The following PALLD variants were observed in gnomAD, a reference collection of about 807,000 sequenced individuals.
PALLD encodes the protein palladin, cytoskeletal associated protein.
In PALLD, 61 loss-of-function variants were observed where a neutral mutation model predicts 123.5. The ratio of observed to expected loss-of-function variants is 0.49; its 90% confidence interval spans 0.40 to 0.61. PALLD has a LOEUF of 0.61. Ranked by LOEUF, PALLD falls within the 20% of genes least tolerant of loss-of-function variation. PALLD has a pLI of 0.00. For synonymous variants in PALLD, 465 were observed against 496.4 expected, an observed-to-expected ratio of 0.94 and a Z score of 0.84; for missense variants, 1,273 against 1,377.0, an observed-to-expected ratio of 0.92 and a Z score of 1.20.
intron 2 of PALLD, among the ~76,000 whole-genome samples, chr4:168,593,363 C>A (rs1771634828): frequency 6.7e-6 from 1 of 149,078 alleles, no homozygotes; most frequent in Admixed American, 6.7e-5. Context: ...TCAGCTCTAC[C>A]TTTTCTGCTC....
At chr4:168,847,882 A>G (rs544593601) in intron 10 of PALLD, among the ~76,000 whole-genome samples, 15 of 152,220 alleles carry the variant, frequency 9.9e-5, no homozygotes, top group Admixed American at 3.3e-4. Context: ...AAAAAAGAAA[A>G]AAAAAGGAAG....
At chr4:168,712,011 A>G (rs1784880223) in intron 10 of PALLD, 88 bp downstream of exon 10, 8 of 1,130,690 alleles carry the variant, frequency 7.1e-6, no homozygotes, top group South Asian at 3.9e-5. Flanking sequence ...CCTGTATTCA[A>G]CTATGTGGCA....
chr4:168,595,965 A>G (rs1186442455), intron 2 of PALLD, among the ~76,000 whole-genome samples: 1 of 151,752 alleles, frequency 6.6e-6, no homozygotes. Context: ...AAAAAACAGA[A>G]TACCCAACTT....
chr4:168,596,013 T>G (rs1266633908), intron 2 of PALLD, among the ~76,000 whole-genome samples: 1 of 152,114 alleles, frequency 6.6e-6, no homozygotes, highest in East Asian at 1.9e-4. Context: ...ATGCTTGTGT[T>G]GTTATAAATG....
chr4:168,514,969 T>C lies in PALLD; in HGVS notation c.908+2557T>C, dbSNP rs757164788. Among the ~76,000 whole-genome samples the C allele has an allele frequency of 5.9e-5, 9 of 152,368 alleles. No individual in the cohort carries two copies. The South Asian group carries it at 8.3e-4, about 14-fold the overall frequency. On this transcript the variant is annotated intron_variant, in intron 2 of 21. Transcript: ENST00000505667. ...AGTTAGTATCTGCAGTATTATTAAC[T>C]AGTTTTCTCTTATTCTGCAGTCTAT...
intron 10 of PALLD, among the ~76,000 whole-genome samples, chr4:168,825,498 C>A (rs575476074): frequency 2.0e-5 from 3 of 152,116 alleles, no homozygotes; most frequent in Non-Finnish European, 4.4e-5. Context: ...GCAGAAGATT[C>A]GTGTATTGAT....
intron 10 of PALLD, among the ~76,000 whole-genome samples, chr4:168,733,709 G>T (rs1339569854): frequency 3.3e-5 from 5 of 152,060 alleles, no homozygotes; most frequent in African/African-American, 1.2e-4. Context: ...TGGGATTACA[G>T]AAATGTTTTT....
At chr4:168,564,534 T>C (rs771825078) in intron 2 of PALLD, among the ~76,000 whole-genome samples, 2 of 152,226 alleles carry the variant, frequency 1.3e-5, no homozygotes, top group Non-Finnish European at 1.5e-5. Flanking sequence ...AAATTGTGGA[T>C]AGACTAAACA....
chr4:168,603,850 A>G (rs1772913392), intron 2 of PALLD, among the ~76,000 whole-genome samples: 1 of 152,234 alleles, frequency 6.6e-6, no homozygotes, highest in African/African-American at 2.4e-5. Context: ...AAAATTAAAC[A>G]GTTCTTTTTA....
rs549126412 is a variant in PALLD, at chr4:168,674,363, G to T, written c.1087+5995G>T. The stretch of plus-strand genomic sequence containing the variant: ...GATATAGATGGTAACTAAAGCTGTG[G>T]GACTGGATACACCTCCAGACAGATC... On this transcript the variant is annotated intron_variant, in intron 3 of 21. Transcript: ENST00000505667. 3.3e-5 allele frequency among the ~76,000 whole-genome samples: 5 copies of T among 152,268 alleles called. No homozygotes were observed. The South Asian group carries it at 1.0e-3, about 32-fold the overall frequency.
chr4:168,844,236 GCCTAGAAATAAAGA>G lies in PALLD; in HGVS notation c.1965-46683_1965-46670del, dbSNP rs1466848227. ...AAGATTAAAAACCATGATTGAGTGT[GCCTAGAAATAAAGA>G]CCACCCTTGACTGGGCTTTTTCTAC... On this transcript the variant is annotated intron_variant, in intron 10 of 21. Coordinates refer to ENST00000505667, the MANE Select transcript of PALLD (RefSeq NM_001166108.2). The surrounding 1 kb of genome is among the most constrained non-coding windows in gnomAD (Gnocchi z 4.5). 6.6e-6 allele frequency: 1 copy of G among 152,208 alleles called. No individual in the cohort carries two copies. Among genetic ancestry groups the G allele is most frequent in the African/African-American group, 2.4e-5 (1 of 41,454 alleles). The allele number at this position is 152,208 out of a possible 1,614,324, so 9.4% of individuals were successfully genotyped here. A position where few individuals can be genotyped will look rare whatever the true frequency, so the allele number is the denominator to read the frequency against.
intron 10 of PALLD, among the ~76,000 whole-genome samples, chr4:168,733,066 T>C (rs757898145): frequency 1.7e-4 from 26 of 152,218 alleles, no homozygotes; most frequent in Non-Finnish European, 2.8e-4. Flanking sequence ...TGATATATCA[T>C]AGTTGTCATT....
At chr4:168,603,504 C>T (rs1772876502) in intron 2 of PALLD, among the ~76,000 whole-genome samples, 1 of 152,100 alleles carries the variant, frequency 6.6e-6, no homozygotes, top group African/African-American at 2.4e-5. Flanking sequence ...TTAATAACTT[C>T]AGGAAAGACC....
intron 18 of PALLD, among the ~76,000 whole-genome samples, chr4:168,922,098 TATATACACACACACACACACAC>T (rs1761663336): frequency 1.9e-5 from 2 of 107,620 alleles, no homozygotes; most frequent in African/African-American, 3.1e-5. Flanking sequence ...TATATATATA[TATATACACACACACACACACAC>T]ACACACACAC....
rs185234677 is a variant in PALLD at position 168,894,546 on chromosome 4, A to G, written c.2101-33A>G. On this transcript the variant is annotated intron_variant, in intron 11 of 21. Coordinates refer to ENST00000505667, the MANE Select transcript of PALLD (RefSeq NM_001166108.2). ...CAGTACATATTTGTGATTTTTTTCT[A>G]ATTTTGTATTTTTTGTGACTTACGT... 22 of 1,426,642 alleles carry G rather than the reference A, an allele frequency of 1.5e-5. No homozygotes were observed. In the East Asian group the frequency reaches 3.5e-4, roughly 23 times the overall value. The allele number at this position is 1,426,642 out of a possible 1,614,324, so 88.4% of individuals were successfully genotyped here.
chr4:168,717,790 A>G (rs1047661429), intron 10 of PALLD, among the ~76,000 whole-genome samples: 4 of 152,244 alleles, frequency 2.6e-5, no homozygotes, highest in East Asian at 1.9e-4. Flanking sequence ...TTAAATAAGA[A>G]TCTCATGGGA....
intron 10 of PALLD, among the ~76,000 whole-genome samples, chr4:168,731,757 A>C (rs556883797): frequency 2.0e-5 from 3 of 152,240 alleles, no homozygotes; most frequent in African/African-American, 7.2e-5. Context: ...CTGACCAATT[A>C]GAAGTTTTTG....
At chr4:168,878,131 G>A in intron 10 of PALLD, 4 of 1,482,012 alleles carry the variant, frequency 2.7e-6, no homozygotes, top group East Asian at 2.8e-5. Context: ...CCGAGGCCCC[G>A]TGGGGCTCCT....
At chr4:168,715,237 A>G (rs1034322953) in intron 10 of PALLD, among the ~76,000 whole-genome samples, 1 of 152,078 alleles carries the variant, frequency 6.6e-6, no homozygotes. Flanking sequence ...CATCCACTTC[A>G]GCTCCTACAT....
Sources: allele counts gnomAD v4.1 joint callset (sites outside exome capture counted in the v4.1 genomes callset), GRCh38; gene constraint gnomAD v4.1.1; non-coding constraint Gnocchi (gnomAD v3.1); transcripts MANE v1.5; gene names NCBI Gene and HGNC (gene_info 2026-07-23, HGNC 2026-07-21).